Variants in ARHGAP10 observed in about 807,000 individuals in gnomAD.
ARHGAP10 encodes Rho GTPase activating protein 10.
ARHGAP10 carries 87 observed loss-of-function variants against 108.6 expected under a neutral mutation model. That is an observed-to-expected ratio of 0.80 (90% CI 0.67 to 0.96). The LOEUF is 0.96. ARHGAP10 is among the 40% of genes least tolerant of loss of function. The pLI is 0.00. For synonymous variants in ARHGAP10, 347 were observed against 341.1 expected, an observed-to-expected ratio of 1.02 and a Z score of -0.19; for missense variants, 939 against 954.5, an observed-to-expected ratio of 0.98 and a Z score of 0.21.
At chr4:147,753,814 AGAGT>A (rs1729263414) in intron 1 of ARHGAP10, among the ~76,000 whole-genome samples, 1 of 152,214 alleles carries the variant, frequency 6.6e-6, no homozygotes, top group Admixed American at 6.5e-5. Flanking sequence ...CATTGGGATG[AGAGT>A]GAGAGAGTAT....
At chr4:147,732,717 C>T (rs1728270626) in intron 1 of ARHGAP10, among the ~76,000 whole-genome samples, 1 of 152,134 alleles carries the variant, frequency 6.6e-6, no homozygotes. Flanking sequence ...GCCTGGGCCC[C>T]GCCTGGCCCC....
At chr4:147,784,472 ATATT>A (rs1270118704) in intron 1 of ARHGAP10, among the ~76,000 whole-genome samples, 3 of 123,368 alleles carry the variant, frequency 2.4e-5, no homozygotes, top group Non-Finnish European at 4.7e-5. Context: ...TATATAATTT[ATATT>A]TATATATATA....
At chr4:147,904,948 A>G (rs1300383254) in intron 10 of ARHGAP10, among the ~76,000 whole-genome samples, 2 of 152,112 alleles carry the variant, frequency 1.3e-5, no homozygotes, top group Non-Finnish European at 2.9e-5. Context: ...ATGGTATCTC[A>G]TTGTGGATTT....
At chr4:147,959,000 A>G (rs1470595044) in intron 16 of ARHGAP10, among the ~76,000 whole-genome samples, 3 of 152,036 alleles carry the variant, frequency 2.0e-5, no homozygotes, top group Non-Finnish European at 2.9e-5. Flanking sequence ...TTAATTTAGT[A>G]TCCTAGTTTT....
intron 3 of ARHGAP10, among the ~76,000 whole-genome samples, chr4:147,830,767 G>A (rs137866409): frequency 0.016 from 2,452 of 152,226 alleles, 57 homozygotes; most frequent in Admixed American, 0.056. Flanking sequence ...TGATCTGTGC[G>A]AATTGGTCTG....
At chr4:148,030,100 C>A (rs1240334819) in intron 19 of ARHGAP10, among the ~76,000 whole-genome samples, 1 of 151,422 alleles carries the variant, frequency 6.6e-6, no homozygotes, top group Non-Finnish European at 1.5e-5. Flanking sequence ...AACATTTCCC[C>A]CTTTCTGTGG....
chr4:147,761,938 G>C (rs1237218712), intron 1 of ARHGAP10, among the ~76,000 whole-genome samples: 1 of 152,150 alleles, frequency 6.6e-6, no homozygotes, highest in African/African-American at 2.4e-5. Flanking sequence ...TCATTCTCTT[G>C]ACTCTACTTT....
chr4:147,921,407 G>C (rs757929803), intron 13 of ARHGAP10, among the ~76,000 whole-genome samples: 3 of 152,168 alleles, frequency 2.0e-5, no homozygotes, highest in Non-Finnish European at 4.4e-5. Flanking sequence ...TGCTTTAGAC[G>C]ATGAGAGATC....
intron 1 of ARHGAP10, among the ~76,000 whole-genome samples, chr4:147,764,554 G>A (rs1462592989): frequency 6.6e-6 from 1 of 151,378 alleles, no homozygotes; most frequent in Admixed American, 6.6e-5. Context: ...TATTTTTTGA[G>A]ATAGAGTCTC....
intron 10 of ARHGAP10, among the ~76,000 whole-genome samples, chr4:147,892,282 C>T (rs538039886): frequency 1.3e-5 from 2 of 152,230 alleles, no homozygotes; most frequent in Non-Finnish European, 2.9e-5. Context: ...GATGCTGTAC[C>T]GTTTCTCAAT....
Position 147,834,224 on chromosome 4 carries a change from C to A in ARHGAP10, c.312+11267C>A, listed in dbSNP as rs375244008. 5.9e-5 allele frequency among the ~76,000 whole-genome samples: 9 copies of A among 152,262 alleles called. No individual in the cohort carries two copies. In the East Asian group the frequency reaches 1.4e-3, roughly 23 times the overall value. On this transcript the variant is annotated intron_variant, in intron 3 of 22. Transcript: ENST00000336498. Reference sequence around the variant, plus strand: ...GTGGCTTACACCTGTAGTCCCAGCACTTTGGGAGGTGAGGCACGAGGATTG... The same window carrying A: ...GTGGCTTACACCTGTAGTCCCAGCAATTTGGGAGGTGAGGCACGAGGATTG...
intron 1 of ARHGAP10, among the ~76,000 whole-genome samples, chr4:147,740,670 G>C (rs1435397666): frequency 6.6e-6 from 1 of 152,124 alleles, no homozygotes; most frequent in East Asian, 1.9e-4. Flanking sequence ...CCTCCACTCT[G>C]TCTCTCTCAA....
At position 147,823,336 on chromosome 4, in the gene ARHGAP10, G is replaced by A. The variant is rs531618344; in HGVS notation, c.312+379G>A. On this transcript the variant is annotated intron_variant, in intron 3 of 22. Coordinates refer to ENST00000336498, the MANE Select transcript of ARHGAP10 (RefSeq NM_024605.4). ...CTTATGTAGAAACAGAGGACAGCTG[G>A]GCAATGTTAGTGCCTGACTCATACT... is the stretch of plus-strand genomic sequence containing the variant. Among the ~76,000 whole-genome samples the A allele has an allele frequency of 4.6e-5, 7 of 152,296 alleles. No homozygotes were observed. The East Asian group carries it at 9.6e-4, about 21-fold the overall frequency.
chr4:148,003,610 T>G (rs1578780426), intron 18 of ARHGAP10, among the ~76,000 whole-genome samples: 2 of 152,202 alleles, frequency 1.3e-5, no homozygotes, highest in South Asian at 4.1e-4. Flanking sequence ...ATTGGGTGCA[T>G]ATATGTTTAG....
chr4:147,922,173 CAG>C (rs1471272092), intron 13 of ARHGAP10, among the ~76,000 whole-genome samples: 1 of 151,932 alleles, frequency 6.6e-6, no homozygotes, highest in African/African-American at 2.4e-5. Flanking sequence ...ATGATGGAAA[CAG>C]TGTGATACAT....
At chr4:147,864,671 A>C in intron 5 of ARHGAP10, 175 bp from the exon 6 acceptor site, 1 of 541,674 alleles carries the variant, frequency 1.8e-6, no homozygotes, top group East Asian at 3.3e-5. Context: ...TTGCAGCAGG[A>C]AAGTAGCTGC....
chr4:148,001,302 T>A (rs1264367217), intron 18 of ARHGAP10, among the ~76,000 whole-genome samples: 3 of 152,208 alleles, frequency 2.0e-5, no homozygotes, highest in Non-Finnish European at 4.4e-5. Flanking sequence ...TACCATGCTG[T>A]TTTGGTTACT....
chr4:147,955,141 G>A (rs925475903), intron 15 of ARHGAP10, among the ~76,000 whole-genome samples, 175 bp from the exon 16 acceptor site: 10 of 152,052 alleles, frequency 6.6e-5, no homozygotes, highest in Non-Finnish European at 1.0e-4. Context: ...GGTGCCAACA[G>A]CAGTTAATAA....
chr4:147,866,619 T>G, intron 6 of ARHGAP10, 93 bp from the exon 7 acceptor site: 3 of 837,938 alleles, frequency 3.6e-6, no homozygotes, highest in South Asian at 1.7e-5. Context: ...GGAATAACAG[T>G]GAGATGGCGG....
Sources: gnomAD v4.1 joint callset for allele counts (sites outside exome capture counted in the v4.1 genomes callset) on GRCh38, gnomAD v4.1.1 for gene constraint, MANE v1.5 for transcripts, NCBI Gene and HGNC (gene_info 2026-07-23, HGNC 2026-07-21) for gene names.